GFOD1: variants seen among roughly 807,000 people sequenced by gnomAD.
GFOD1 encodes the protein glucose-fructose oxidoreductase domain-containing protein 1.
Under a neutral mutation model 25.4 loss-of-function variants are expected in GFOD1, and 9 were observed. The ratio of observed to expected loss-of-function variants is 0.35; its 90% CI spans 0.21 to 0.62. The LOEUF is 0.62. GFOD1 is among the 20% of genes least tolerant of loss of function. The probability of loss-of-function intolerance (pLI) is 0.72; values close to 1 mark genes in which losing one functional copy is unlikely to be tolerated. For missense variants in GFOD1, 403 were observed against 556.9 expected (o/e 0.72, Z 2.78); for synonymous variants, 253 against 245.6 (o/e 1.03, Z -0.28).
chr6:13,487,290 G>T lies in GFOD1; in HGVS notation c.-400C>A. 1 of 189,540 alleles carries T rather than the reference G, an allele frequency of 5.3e-6. No homozygotes were observed. The highest frequency in any genetic ancestry group is 1.1e-5 in the Non-Finnish European group (1 of 93,770). 11.7% of individuals were successfully genotyped at this position (189,540 alleles called of 1,614,324 possible). A position where few individuals can be genotyped will look rare whatever the true frequency, so the allele number is the denominator to read the frequency against. ...TCATCCCCGCGGCCGCGCCGCCGCA[G>T]CCCGGGACCGGCTCTCTCCCGCGTC... On this transcript the variant is annotated 5_prime_UTR_variant, in exon 1 of 2. It adds an upstream start codon to the 5' untranslated region. Coordinates refer to ENST00000379287, the MANE Select transcript of GFOD1 (RefSeq NM_018988.4). The surrounding 1 kb of genome is among the most constrained non-coding windows in gnomAD (Gnocchi z 4.9).
chr6:13,371,317 G>A (rs1242186752), intron 1 of GFOD1, among the ~76,000 whole-genome samples: 1 of 152,160 alleles, frequency 6.6e-6, no homozygotes, highest in East Asian at 1.9e-4. Context: ...GCCTAAGGAG[G>A]CCATCTGCAC....
chr6:13,397,653 G>C (rs1436073013), intron 1 of GFOD1, among the ~76,000 whole-genome samples: 1 of 152,206 alleles, frequency 6.6e-6, no homozygotes, highest in Non-Finnish European at 1.5e-5. Context: ...CAAAACAGGA[G>C]AGCAGGGTGG....
At chr6:13,424,137 C>T (rs867223733) in intron 1 of GFOD1, among the ~76,000 whole-genome samples, 35 of 152,272 alleles carry the variant, frequency 2.3e-4, no homozygotes, top group Middle Eastern at 3.4e-3. Context: ...GGATTACAGG[C>T]GTGAGCCACT....
intron 1 of GFOD1, among the ~76,000 whole-genome samples, chr6:13,422,762 T>G (rs779533123): frequency 2.0e-5 from 3 of 152,214 alleles, no homozygotes; most frequent in Non-Finnish European, 4.4e-5. Flanking sequence ...AAAGCTTTCC[T>G]GAAAGCTGCA....
At chr6:13,462,424 C>T (rs1758308181) in intron 1 of GFOD1, among the ~76,000 whole-genome samples, 1 of 152,190 alleles carries the variant, frequency 6.6e-6, no homozygotes, top group Non-Finnish European at 1.5e-5. Flanking sequence ...GTCAGAACGT[C>T]TCAGATCACT....
chr6:13,390,810 A>AGGAAGGAAGGAAGGAAGGAAGGAG (rs1485348756), intron 1 of GFOD1, among the ~76,000 whole-genome samples: 51 of 151,356 alleles, frequency 3.4e-4, no homozygotes, highest in African/African-American at 1.2e-3. Context: ...GAAGGAAGGA[A>AGGAAGGAAGGAAGGAAGGAAGGAG]GGAAGGAAGG....
At chr6:13,372,775 G>A (rs1237988789) in intron 1 of GFOD1, among the ~76,000 whole-genome samples, 1 of 152,210 alleles carries the variant, frequency 6.6e-6, no homozygotes, top group Non-Finnish European at 1.5e-5. Flanking sequence ...CTCCCCGTGA[G>A]CACACTTCCA....
At chr6:13,395,081 C>G (rs1584625980) in intron 1 of GFOD1, among the ~76,000 whole-genome samples, 1 of 152,182 alleles carries the variant, frequency 6.6e-6, no homozygotes, top group African/African-American at 2.4e-5. Flanking sequence ...CTGTGCCTGG[C>G]TAGGTTTCTT....
At chr6:13,449,476 T>C (rs1758058899) in intron 1 of GFOD1, among the ~76,000 whole-genome samples, 1 of 152,198 alleles carries the variant, frequency 6.6e-6, no homozygotes, top group Admixed American at 6.5e-5. Flanking sequence ...GAAAAAGTTA[T>C]GTGGTTTCTA....
At chr6:13,389,782 C>T (rs772107510) in intron 1 of GFOD1, among the ~76,000 whole-genome samples, 2 of 152,016 alleles carry the variant, frequency 1.3e-5, no homozygotes, top group East Asian at 3.9e-4. Context: ...AAATCTAACG[C>T]CCCTTTCCAA....
intron 1 of GFOD1, among the ~76,000 whole-genome samples, chr6:13,407,689 T>C (rs1436046332): frequency 6.6e-6 from 1 of 152,206 alleles, no homozygotes; most frequent in Non-Finnish European, 1.5e-5. Flanking sequence ...AATGTCATCT[T>C]CTGCCCAGTT....
intron 1 of GFOD1, among the ~76,000 whole-genome samples, chr6:13,376,395 C>T (rs553733311): frequency 1.3e-5 from 2 of 151,944 alleles, no homozygotes; most frequent in Admixed American, 6.6e-5. Context: ...TAGAGAGTGG[C>T]CTAGAACAGC....
intron 1 of GFOD1, among the ~76,000 whole-genome samples, chr6:13,386,547 T>C (rs1785480471): frequency 6.6e-6 from 1 of 152,190 alleles, no homozygotes; most frequent in Admixed American, 6.6e-5. Context: ...TTCCCAGCCA[T>C]CATTGGCTCC....
At chr6:13,394,099 T>C (rs1245332912) in intron 1 of GFOD1, among the ~76,000 whole-genome samples, 1 of 152,160 alleles carries the variant, frequency 6.6e-6, no homozygotes, top group African/African-American at 2.4e-5. Flanking sequence ...TCTTAAATAA[T>C]GTACAGTTAT....
At chr6:13,469,585 T>C (rs1758442941) in intron 1 of GFOD1, 1 of 1,059,664 alleles carries the variant, frequency 9.4e-7, no homozygotes, top group African/African-American at 1.7e-5. Context: ...TTAAGTTGAA[T>C]TCTGATTCCA....
chr6:13,390,126 T>C (rs1296033684), intron 1 of GFOD1, among the ~76,000 whole-genome samples: 2 of 152,180 alleles, frequency 1.3e-5, no homozygotes, highest in Non-Finnish European at 2.9e-5. Flanking sequence ...TCTCTAATAC[T>C]TGCTGCCTGA....
At chr6:13,441,578 C>T (rs1156733662) in intron 1 of GFOD1, among the ~76,000 whole-genome samples, 2 of 152,126 alleles carry the variant, frequency 1.3e-5, no homozygotes, top group East Asian at 1.9e-4. Flanking sequence ...GTAAGTTCTC[C>T]CTTCATCAAT....
intron 1 of GFOD1, among the ~76,000 whole-genome samples, chr6:13,393,713 C>G (rs1231642789): frequency 6.6e-6 from 1 of 151,718 alleles, no homozygotes; most frequent in Non-Finnish European, 1.5e-5. Context: ...GAGTTGTTAC[C>G]TATTCAGTTG....
In GFOD1 at chr6:13,361,434, C is replaced by T. The variant is rs578237998; in HGVS notation, c.*3309G>A. 8.0e-4 allele frequency: 123 copies of T among 154,678 alleles called. 1 individual carries two copies. Among genetic ancestry groups the T allele is most frequent in the Middle Eastern group, 3.4e-3 (1 of 294 alleles). The allele number at this position is 154,678 out of a possible 1,614,324, so 9.6% of individuals were successfully genotyped here. ...CTCTTAAAGCACTGCCTCCTTGCAT[C>T]GAGGCCCTTGAAACACATTAAACAA... On this transcript the variant is annotated 3_prime_UTR_variant, in exon 2 of 2. Transcript: ENST00000379287.
Sources: gnomAD v4.1 joint callset for allele counts (sites outside exome capture counted in the v4.1 genomes callset) on GRCh38, gnomAD v4.1.1 for gene constraint, Gnocchi (gnomAD v3.1) non-coding constraint, MANE v1.5 for transcripts, NCBI Gene and HGNC (gene_info 2026-07-23, HGNC 2026-07-21) for gene names.